The following PSME4 variants were observed in gnomAD, a reference collection of about 807,000 sequenced individuals.
PSME4 encodes the protein proteasome activator complex subunit 4.
Under a neutral mutation model 253.9 loss-of-function variants are expected in PSME4, and 89 were observed. The ratio of observed to expected loss-of-function variants is 0.35; its 90% CI spans 0.30 to 0.42. The LOEUF (loss-of-function observed/expected upper bound fraction) is 0.42, where lower values mean the gene tolerates loss of function less well. Ranked by LOEUF, PSME4 falls within the 10% of genes least tolerant of loss-of-function variation. The pLI is 1.00. For synonymous variants in PSME4, 851 were observed against 759.2 expected, an observed-to-expected ratio of 1.12 and a Z score of -1.99; for missense variants, 2,014 against 2,195.2, an observed-to-expected ratio of 0.92 and a Z score of 1.65.
intron 27 of PSME4, among the ~76,000 whole-genome samples, chr2:53,903,620 C>A (rs1256683248): frequency 6.6e-6 from 1 of 152,146 alleles, no homozygotes; most frequent in African/African-American, 2.4e-5. Flanking sequence ...ACTGGTCATA[C>A]TACTCTAAAC....
At chr2:53,952,468 G>T (rs1373840020) in intron 1 of PSME4, among the ~76,000 whole-genome samples, 1 of 152,146 alleles carries the variant, frequency 6.6e-6, no homozygotes, top group Non-Finnish European at 1.5e-5. Flanking sequence ...TTTGAACCTG[G>T]GAGGCGGAGG....
chr2:53,929,688 A>G (rs1668733298), intron 10 of PSME4, among the ~76,000 whole-genome samples: 1 of 151,710 alleles, frequency 6.6e-6, no homozygotes, highest in Non-Finnish European at 1.5e-5. Context: ...TTTTTTCTAC[A>G]TTTTTAGTTT....
intron 1 of PSME4, 150 bp from the exon 2 acceptor site, chr2:53,949,433 A>G (rs1196131223): frequency 6.8e-6 from 3 of 438,444 alleles, no homozygotes; most frequent in African/African-American, 6.2e-5. Flanking sequence ...CATATACAAC[A>G]CAATGGATTA....
intron 41 of PSME4, among the ~76,000 whole-genome samples, chr2:53,879,947 T>C (rs947661079): frequency 9.9e-5 from 15 of 152,182 alleles, no homozygotes; most frequent in Admixed American, 1.3e-4. Context: ...CCAGTAGGAA[T>C]TGTGTTTTAA....
At chr2:53,951,500 G>C (rs1444575214) in intron 1 of PSME4, among the ~76,000 whole-genome samples, 1 of 152,148 alleles carries the variant, frequency 6.6e-6, no homozygotes, top group East Asian at 1.9e-4. Flanking sequence ...AATTTATTCA[G>C]CTCTTTTCTG....
chr2:53,878,694 A>G (rs1679246056), intron 41 of PSME4, among the ~76,000 whole-genome samples: 1 of 152,244 alleles, frequency 6.6e-6, no homozygotes, highest in Non-Finnish European at 1.5e-5. Context: ...GGTCTCCCGT[A>G]GTGCTCCCAG....
chr2:53,943,202 A>G (rs11892759), intron 3 of PSME4, among the ~76,000 whole-genome samples: 25,714 of 152,238 alleles, frequency 0.17, 3,167 homozygotes, highest in African/African-American at 0.35. Context: ...CAGTTCTTGA[A>G]CTAAAATTTA....
intron 1 of PSME4, among the ~76,000 whole-genome samples, chr2:53,958,183 CAAAA>C (rs1211892917): frequency 6.1e-5 from 4 of 65,806 alleles, no homozygotes; most frequent in African/African-American, 6.1e-5. Context: ...AAGACTCTGT[CAAAA>C]AAAAAAAAAA....
chr2:53,962,334 T>A (rs1670529360), intron 1 of PSME4, among the ~76,000 whole-genome samples: 1 of 140,884 alleles, frequency 7.1e-6, no homozygotes, highest in East Asian at 2.1e-4. Flanking sequence ...AAAAGTTAAT[T>A]CCCAGGTTCC....
In PSME4 at chr2:53,904,164, A is replaced by T. The variant is rs776346013; in HGVS notation, c.2944-8T>A. 1.1e-5 allele frequency: 18 copies of T among 1,605,518 alleles called. No homozygotes were observed. In the African/African-American group the frequency reaches 2.1e-4, roughly 19 times the overall value. Reference sequence around the variant, plus strand: ...CTGAGCCTTATTTCTCACCTGGAGGAAGTATTATTAACAAAGGACTTTTAT... The same window carrying T: ...CTGAGCCTTATTTCTCACCTGGAGGTAGTATTATTAACAAAGGACTTTTAT... On this transcript the variant is annotated splice_region_variant and splice_polypyrimidine_tract_variant and intron_variant, in intron 26 of 46. Transcript: ENST00000404125.
intron 1 of PSME4, among the ~76,000 whole-genome samples, chr2:53,961,259 T>C (rs1447811975): frequency 6.6e-6 from 1 of 152,252 alleles, no homozygotes; most frequent in Non-Finnish European, 1.5e-5. Context: ...TGTTGTTGTT[T>C]GCTTACCGTT....
intron 34 of PSME4, 68 bp downstream of exon 34, chr2:53,894,939 G>A: frequency 7.5e-7 from 1 of 1,328,920 alleles, no homozygotes; most frequent in Non-Finnish European, 1.1e-6. Context: ...AAGAACTGAA[G>A]TGAGGTTGAG....
chr2:53,897,739 G>C, intron 31 of PSME4, 131 bp downstream of exon 31: 1 of 1,035,656 alleles, frequency 9.7e-7, no homozygotes, highest in Non-Finnish European at 1.4e-6. Context: ...TGAATCAACA[G>C]GGGGAGATTT....
At chr2:53,888,073 T>A (rs1382979538) in intron 38 of PSME4, 84 bp from the exon 39 acceptor site, 1 of 1,369,902 alleles carries the variant, frequency 7.3e-7, no homozygotes, top group Non-Finnish European at 9.6e-7. Context: ...TATCTGTATT[T>A]CACTTAAAGC....
At chr2:53,941,953 G>A (rs1669475314) in intron 3 of PSME4, among the ~76,000 whole-genome samples, 1 of 152,056 alleles carries the variant, frequency 6.6e-6, no homozygotes, top group African/African-American at 2.4e-5. Context: ...AAAGCTACAT[G>A]TTTTCTTCAG....
At chr2:53,967,888 C>T (rs901288220) in intron 1 of PSME4, among the ~76,000 whole-genome samples, 4 of 151,972 alleles carry the variant, frequency 2.6e-5, no homozygotes, top group African/African-American at 9.7e-5. Flanking sequence ...TCAAACAGTT[C>T]TTGTAGAAAG....
Position 53,945,779 on chromosome 2 carries a change from CAT to C in PSME4, c.500+2640_500+2641del, listed in dbSNP as rs1390458271. 2.0e-5 allele frequency among the ~76,000 whole-genome samples: 3 copies of C among 152,200 alleles called. No individual in the cohort carries two copies. In the South Asian group the frequency reaches 6.2e-4, roughly 32 times the overall value. ...TAGCATTCTAAAAATAGTATGAACA[CAT>C]GTAGTCAGCTGACAAAACTGTTTCA... On this transcript the variant is annotated intron_variant, in intron 3 of 46. Coordinates refer to ENST00000404125, the MANE Select transcript of PSME4 (RefSeq NM_014614.3).
intron 3 of PSME4, among the ~76,000 whole-genome samples, chr2:53,940,942 TATATATATAC>T (rs1163091913): frequency 0.068 from 3,769 of 55,470 alleles, 409 homozygotes; most frequent in African/African-American, 0.14. Context: ...CATATATAAA[TATATATATAC>T]ATATATATAT....
chr2:53,968,964 A>G (rs1411750635), intron 1 of PSME4, among the ~76,000 whole-genome samples: 2 of 152,198 alleles, frequency 1.3e-5, no homozygotes, highest in Non-Finnish European at 2.9e-5. Context: ...ATATTTATAT[A>G]ATGTACACTA....
Sources: gnomAD v4.1 joint callset for allele counts (sites outside exome capture counted in the v4.1 genomes callset) on GRCh38, gnomAD v4.1.1 for gene constraint, MANE v1.5 for transcripts, NCBI Gene and HGNC (gene_info 2026-07-23, HGNC 2026-07-21) for gene names.